The following MPHOSPH8 variants were observed in gnomAD, a reference collection of about 807,000 sequenced individuals.
MPHOSPH8 encodes the protein M-phase phosphoprotein 8, also known as M-phase phosphoprotein, mpp.
MPHOSPH8 carries 45 observed loss-of-function variants against 87.3 expected under a neutral mutation model. The ratio of observed to expected loss-of-function variants is 0.52; its 90% CI spans 0.41 to 0.66. MPHOSPH8 has a LOEUF of 0.66. Ranked by LOEUF, MPHOSPH8 falls within the 30% of genes least tolerant of loss-of-function variation. MPHOSPH8 has a pLI of 0.00. For synonymous variants in MPHOSPH8, 366 were observed against 376.9 expected (o/e 0.97, Z 0.33); for missense variants, 883 against 1,020.2 (o/e 0.87, Z 1.83).
At chr13:19,649,971 TA>T in intron 4 of MPHOSPH8, 31 bp from the exon 5 acceptor site, 1 of 1,501,736 alleles carries the variant, frequency 6.7e-7, no homozygotes, top group South Asian at 1.3e-5. Flanking sequence ...TTGTGACTCA[TA>T]CTTAACCATC....
intron 13 of MPHOSPH8, 76 bp from the exon 14 acceptor site, chr13:19,671,758 C>A: frequency 7.4e-7 from 1 of 1,360,272 alleles, no homozygotes; most frequent in Non-Finnish European, 1.0e-6. Context: ...CAAATCTTGG[C>A]CATTTGTGGG....
intron 1 of MPHOSPH8, among the ~76,000 whole-genome samples, chr13:19,641,635 G>A (rs1284353574): frequency 6.6e-6 from 1 of 151,856 alleles, no homozygotes; most frequent in Non-Finnish European, 1.5e-5. Context: ...TGGGATTACA[G>A]GCGCCCACCA....
At chr13:19,645,790 C>T (rs1166668062) in intron 2 of MPHOSPH8, among the ~76,000 whole-genome samples, 1 of 151,662 alleles carries the variant, frequency 6.6e-6, no homozygotes, top group East Asian at 1.9e-4. Flanking sequence ...TCTCTCTACC[C>T]CCAAGTCATT....
chr13:19,663,690 C>T (rs1875671839), intron 9 of MPHOSPH8, among the ~76,000 whole-genome samples: 2 of 152,186 alleles, frequency 1.3e-5, no homozygotes, highest in Admixed American at 6.5e-5. Flanking sequence ...CTGGTTGGTT[C>T]CTCTGTGGCA....
intron 10 of MPHOSPH8, 79 bp from the exon 11 acceptor site, chr13:19,668,297 TG>T: frequency 7.6e-7 from 1 of 1,321,042 alleles, no homozygotes; most frequent in Non-Finnish European, 1.0e-6. Flanking sequence ...AAGGTTGGCC[TG>T]GGAAGCCCTC....
intron 12 of MPHOSPH8, chr13:19,670,890 G>C: frequency 9.8e-7 from 1 of 1,023,056 alleles, no homozygotes; most frequent in South Asian, 1.3e-5. Context: ...GCGGATTACA[G>C]CTCACTGGAG....
At chr13:19,651,089 A>C (rs1234045996) in intron 5 of MPHOSPH8, among the ~76,000 whole-genome samples, 2 of 152,234 alleles carry the variant, frequency 1.3e-5, no homozygotes, top group African/African-American at 4.8e-5. Flanking sequence ...GTAAAGCCAG[A>C]AGTGGATTCC....
At chr13:19,669,647 T>C (rs1876012773) in intron 11 of MPHOSPH8, among the ~76,000 whole-genome samples, 1 of 151,986 alleles carries the variant, frequency 6.6e-6, no homozygotes, top group Admixed American at 6.6e-5. Context: ...TAGCTGGAAT[T>C]ACAGGTGCCC....
chr13:19,633,959 G>A lies in MPHOSPH8; in HGVS notation c.211G>A (p.Gly71Arg), dbSNP rs753531457. Residue 71 changes from glycine (G) to arginine (R), a missense_variant and splice_region_variant, in exon 1 of 14, where the codon GGG becomes AGG. Gly to Arg is a moderately radical substitution (Grantham distance 125). This residue lies in a region of MPHOSPH8 where 103 missense variants were observed against 96.3 expected (regional missense o/e 1.07). Transcript: ENST00000361479. The part of the protein sequence containing the change: ...VEKILDMKTE[G>R]GKVLYKVRWK... ...GAAGATCCTGGACATGAAGACCGAG[G>A]GGGTATGTGGAGGGGCCCCGGCGCG... 2 of 1,606,522 alleles carry A rather than the reference G, an allele frequency of 1.2e-6. No individual in the cohort carries two copies.
Position 19,673,150 on chromosome 13 carries a change from G to A in MPHOSPH8, c.*1275G>A, listed in dbSNP as rs1342593678. The A allele has an allele frequency of 6.6e-6, 3 of 452,308 alleles. No homozygotes were observed. The highest frequency in any genetic ancestry group is 2.4e-5 in the Admixed American group (1 of 41,846). 28.0% of individuals were successfully genotyped at this position (452,308 alleles called of 1,614,324 possible). The stretch of plus-strand genomic sequence containing the variant: ...TGTGCCCTTGTTTTGAACACCGACT[G>A]GGAAGATGGGGCTTAGGTAACAGCC... On this transcript the variant is annotated 3_prime_UTR_variant, in exon 14 of 14. Transcript: ENST00000361479.
At position 19,673,066 on chromosome 13, in the gene MPHOSPH8, A is replaced by T. The variant is rs1270695932; in HGVS notation, c.*1191A>T. 2.0e-5 allele frequency: 9 copies of T among 442,528 alleles called. No homozygotes were observed. The highest frequency in any genetic ancestry group is 4.0e-5 in the Non-Finnish European group (9 of 223,732). The allele number at this position is 442,528 out of a possible 1,614,324, so 27.4% of individuals were successfully genotyped here. ...TGAGACCTTGTCTCAAAAAAAAAAA[A>T]AAGTTTCTTGGAACCTATACGGTTT... On this transcript the variant is annotated 3_prime_UTR_variant, in exon 14 of 14. Coordinates refer to ENST00000361479, the MANE Select transcript of MPHOSPH8 (RefSeq NM_017520.4).
intron 8 of MPHOSPH8, 107 bp downstream of exon 8, chr13:19,661,945 CTTTTTT>C: frequency 1.9e-6 from 2 of 1,037,240 alleles, no homozygotes; most frequent in Non-Finnish European, 2.5e-6. Flanking sequence ...GGTCACATCG[CTTTTTT>C]TTTTTTTTTA....
intron 1 of MPHOSPH8, among the ~76,000 whole-genome samples, chr13:19,640,899 T>TA (rs1874252343): frequency 6.6e-6 from 1 of 152,220 alleles, no homozygotes; most frequent in Non-Finnish European, 1.5e-5. Context: ...AAGTGCTTGA[T>TA]ACGTAAGTGA....
At chr13:19,669,224 C>G (rs1476313889) in intron 11 of MPHOSPH8, among the ~76,000 whole-genome samples, 7 of 152,282 alleles carry the variant, frequency 4.6e-5, no homozygotes, top group Middle Eastern at 3.4e-3. Context: ...CCTGTGTCAC[C>G]CAGGCTGCAG....
Position 19,670,326 on chromosome 13 carries a change from T to C in MPHOSPH8, c.2420T>C (p.Val807Ala), listed in dbSNP as rs1243148376. Residue 807 changes from valine (V) to alanine (A), a missense_variant, in exon 12 of 14, where the codon GTA (valine) becomes GCA (alanine). Physicochemically the swap from Val to Ala is moderately conservative, Grantham distance 64 (BLOSUM62 0). This residue lies in a region of MPHOSPH8 where 741 missense variants were observed against 841.5 expected (regional missense o/e 0.88). Transcript: ENST00000361479. ...RLCGPCSVQA[V>A]VLNDKFQLPV... ...TGTGGACCGTGTAGTGTACAAGCTG[T>C]AGTTCTGAATGATAAATTTCAGCTT... 1 of 1,614,182 alleles carries C rather than the reference T, an allele frequency of 6.2e-7. No individual in the cohort carries two copies. Among genetic ancestry groups the C allele is most frequent in the South Asian group, 1.1e-5 (1 of 91,080 alleles).
At chr13:19,668,712 C>T (rs576694138) in intron 11 of MPHOSPH8, among the ~76,000 whole-genome samples, 181 bp downstream of exon 11, 1 of 152,314 alleles carries the variant, frequency 6.6e-6, no homozygotes, top group East Asian at 1.9e-4. Flanking sequence ...GACACCCCAT[C>T]CCTGTTTTAA....
chr13:19,663,150 C>T (rs747123590), intron 9 of MPHOSPH8, 24 bp downstream of exon 9: 2 of 1,584,788 alleles, frequency 1.3e-6, no homozygotes, highest in Admixed American at 1.7e-5. Context: ...GCAGGTCATC[C>T]CTTTCTTCAC....
intron 5 of MPHOSPH8, among the ~76,000 whole-genome samples, chr13:19,651,943 CA>C (rs59967111): frequency 0.11 from 16,154 of 150,126 alleles, 1,051 homozygotes; most frequent in African/African-American, 0.18. Context: ...ACTAAAAATA[CA>C]AAAAAAAATT....
At chr13:19,659,380 A>G in intron 7 of MPHOSPH8, 91 bp downstream of exon 7, 1 of 1,109,472 alleles carries the variant, frequency 9.0e-7, no homozygotes, top group African/African-American at 1.6e-5. Flanking sequence ...TTAATTACAA[A>G]AGGCTGGGCG....
Sources: allele counts gnomAD v4.1 joint callset (sites outside exome capture counted in the v4.1 genomes callset), GRCh38; gene constraint gnomAD v4.1.1; regional missense constraint gnomAD v4.1.1; transcripts MANE v1.5; gene names NCBI Gene and HGNC (gene_info 2026-07-23, HGNC 2026-07-21).